GRIK1: variants seen among roughly 807,000 people sequenced by gnomAD.
GRIK1 encodes glutamate receptor ionotropic, kainate 1.
Under a neutral mutation model 105.7 loss-of-function variants are expected in GRIK1, and 69 were observed. The ratio of observed to expected loss-of-function variants is 0.65; its 90% CI spans 0.54 to 0.80. The LOEUF (loss-of-function observed/expected upper bound fraction) is 0.80, where lower values mean the gene tolerates loss of function less well. GRIK1 is among the 30% of genes least tolerant of loss of function. The pLI is 0.00. For synonymous variants in GRIK1, 438 were observed against 431.3 expected (o/e 1.02, Z -0.19); for missense variants, 1,109 against 1,167.3 (o/e 0.95, Z 0.73).
intron 13 of GRIK1, among the ~76,000 whole-genome samples, chr21:29,580,037 GTATATATGTATATATGTA>G (rs1365563872): frequency 4.3e-5 from 6 of 139,712 alleles, no homozygotes; most frequent in Non-Finnish European, 7.6e-5. Flanking sequence ...GTATATATGT[GTATATATGTATATATGTA>G]TATATATATG....
At chr21:29,860,472 T>A (rs1312487161) in intron 1 of GRIK1, among the ~76,000 whole-genome samples, 3 of 152,218 alleles carry the variant, frequency 2.0e-5, no homozygotes, top group Non-Finnish European at 4.4e-5. Context: ...TCATCTTAGA[T>A]CTGCAAGCCC....
At chr21:29,893,696 AAT>A (rs1380829303) in intron 1 of GRIK1, among the ~76,000 whole-genome samples, 1 of 152,164 alleles carries the variant, frequency 6.6e-6, no homozygotes, top group Admixed American at 6.5e-5. Flanking sequence ...ATTGATGTAG[AAT>A]ATACAGAGAG....
chr21:29,888,197 C>CTTTCTTCCTTTCTT (rs59241719), intron 1 of GRIK1, among the ~76,000 whole-genome samples: 5 of 22,344 alleles, frequency 2.2e-4, no homozygotes, highest in African/African-American at 4.9e-4. Flanking sequence ...TTCTTTCTTT[C>CTTTCTTCCTTTCTT]TCTCTCTCTC....
chr21:29,895,359 T>A (rs2070099527), intron 1 of GRIK1, among the ~76,000 whole-genome samples: 2 of 152,136 alleles, frequency 1.3e-5, no homozygotes, highest in South Asian at 4.1e-4. Flanking sequence ...CTCGTCAAAA[T>A]CCTTGAGAAT....
intron 16 of GRIK1, among the ~76,000 whole-genome samples, chr21:29,545,323 A>C (rs1009787555): frequency 1.3e-5 from 2 of 152,232 alleles, no homozygotes; most frequent in African/African-American, 4.8e-5. Flanking sequence ...CAAACCACAC[A>C]GTGCCTTTCT....
intron 7 of GRIK1, among the ~76,000 whole-genome samples, chr21:29,623,644 A>T (rs1476846731): frequency 6.6e-6 from 1 of 152,202 alleles, no homozygotes; most frequent in Non-Finnish European, 1.5e-5. Context: ...TTATTTCATG[A>T]ATAACCTCAA....
intron 16 of GRIK1, among the ~76,000 whole-genome samples, chr21:29,544,810 G>A (rs1482950505): frequency 6.6e-6 from 1 of 152,184 alleles, no homozygotes; most frequent in Non-Finnish European, 1.5e-5. Context: ...GGGTTGTCTC[G>A]TAGCTGCTCT....
At chr21:29,878,150 T>A (rs184888420) in intron 1 of GRIK1, among the ~76,000 whole-genome samples, 1 of 151,978 alleles carries the variant, frequency 6.6e-6, no homozygotes, top group Non-Finnish European at 1.5e-5. Context: ...ATTTAGAGAA[T>A]GGAATTGGTA....
intron 1 of GRIK1, among the ~76,000 whole-genome samples, chr21:29,828,258 G>A (rs1017803759): frequency 2.0e-5 from 3 of 151,938 alleles, no homozygotes; most frequent in Non-Finnish European, 2.9e-5. Flanking sequence ...TTACCAGGAG[G>A]CATGGTTTAC....
intron 1 of GRIK1, among the ~76,000 whole-genome samples, chr21:29,739,975 C>T (rs1021752505): frequency 6.6e-6 from 1 of 152,170 alleles, no homozygotes; most frequent in Non-Finnish European, 1.5e-5. Context: ...CATGCACATG[C>T]ACACACATGC....
chr21:29,580,099 G>A (rs1000127268), intron 13 of GRIK1, among the ~76,000 whole-genome samples: 4 of 142,534 alleles, frequency 2.8e-5, no homozygotes, highest in African/African-American at 5.3e-5. Flanking sequence ...GTATATATAT[G>A]TGTGTATATA....
chr21:29,930,434 T>C (rs2146356058), intron 1 of GRIK1, among the ~76,000 whole-genome samples: 1 of 152,286 alleles, frequency 6.6e-6, no homozygotes, highest in East Asian at 1.9e-4. Context: ...GTAAGAACAC[T>C]TGATTTTTAC....
In GRIK1 at chr21:29,634,823, G is replaced by C. The variant is rs2062361570; in HGVS notation, c.1098+8003C>G. ...ATGACAAAAAGGGTGTTATTAGGCA[G>C]GTTTAGTCAGGAAAACAAAAAGCCA... On this transcript the variant is annotated intron_variant, in intron 7 of 17. Transcript: ENST00000327783. Among the ~76,000 whole-genome samples, 4 of 152,160 alleles carry C rather than the reference G, an allele frequency of 2.6e-5. No individual in the cohort carries two copies. In the South Asian group the frequency reaches 8.3e-4, roughly 32 times the overall value.
chr21:29,596,734 C>A (rs967514750), intron 8 of GRIK1, 164 bp from the exon 9 acceptor site: 4 of 634,556 alleles, frequency 6.3e-6, no homozygotes, highest in Non-Finnish European at 1.1e-5. Flanking sequence ...ATAGGTACAG[C>A]AAAGAGACGA....
At chr21:29,737,487 G>A (rs747033857) in intron 1 of GRIK1, among the ~76,000 whole-genome samples, 6 of 152,200 alleles carry the variant, frequency 3.9e-5, no homozygotes, top group Non-Finnish European at 7.3e-5. Context: ...AAAATAAAAG[G>A]GGCACATTCC....
chr21:29,834,455 G>T (rs978705746), intron 1 of GRIK1, among the ~76,000 whole-genome samples: 2 of 151,076 alleles, frequency 1.3e-5, no homozygotes, highest in African/African-American at 4.8e-5. Flanking sequence ...ATATACTAGA[G>T]AAACTGATGG....
At chr21:29,695,623 C>T (rs1407041072) in intron 1 of GRIK1, among the ~76,000 whole-genome samples, 3 of 152,044 alleles carry the variant, frequency 2.0e-5, no homozygotes, top group African/African-American at 7.2e-5. Context: ...TACAGGCATG[C>T]ACCACCATGA....
chr21:29,899,782 G>A (rs1219599170), intron 1 of GRIK1, among the ~76,000 whole-genome samples: 1 of 152,108 alleles, frequency 6.6e-6, no homozygotes, highest in Admixed American at 6.6e-5. Flanking sequence ...AGAAGAAAAT[G>A]ATGCAGATGG....
chr21:29,800,040 C>T (rs1010542220), intron 1 of GRIK1, among the ~76,000 whole-genome samples: 3 of 152,160 alleles, frequency 2.0e-5, no homozygotes, highest in African/African-American at 7.2e-5. Context: ...GAGGAGTCTC[C>T]TAGGGTCATA....
Sources: gnomAD v4.1 joint callset for allele counts (sites outside exome capture counted in the v4.1 genomes callset) on GRCh38, gnomAD v4.1.1 for gene constraint, MANE v1.5 for transcripts, NCBI Gene and HGNC (gene_info 2026-07-23, HGNC 2026-07-21) for gene names.